AGBL1: variants seen among roughly 807,000 people sequenced by gnomAD.
AGBL1 encodes cytosolic carboxypeptidase 4.
Under a neutral mutation model 118.9 loss-of-function variants are expected in AGBL1, and 130 were observed. That is an observed-to-expected ratio of 1.09 (90% CI 0.95 to 1.26). The LOEUF (loss-of-function observed/expected upper bound fraction) is 1.26, where lower values mean the gene tolerates loss of function less well. AGBL1 is among the 50% of genes most tolerant of loss of function. AGBL1 has a pLI of 0.00. For missense variants in AGBL1, 1,584 were observed against 1,298.1 expected, an observed-to-expected ratio of 1.22 and a Z score of -3.38; for synonymous variants, 555 against 478.9, an observed-to-expected ratio of 1.16 and a Z score of -2.08.
chr15:86,637,622 A>G (rs777701768), intron 21 of AGBL1, among the ~76,000 whole-genome samples: 3 of 152,228 alleles, frequency 2.0e-5, no homozygotes, highest in Non-Finnish European at 4.4e-5. Context: ...AGTACTAGCA[A>G]AGGCTATTGG....
chr15:86,102,311 G>A (rs1393205135), intron 1 of AGBL1, among the ~76,000 whole-genome samples: 2 of 152,110 alleles, frequency 1.3e-5, no homozygotes, highest in Admixed American at 6.5e-5. Flanking sequence ...CAATTGCTGG[G>A]ATTACAGGCA....
At chr15:86,097,639 G>A (rs930118636) in intron 1 of AGBL1, among the ~76,000 whole-genome samples, 1 of 150,192 alleles carries the variant, frequency 6.7e-6, no homozygotes, top group Non-Finnish European at 1.5e-5. Context: ...TTCAATCCAT[G>A]TTGCTGCAAA....
At chr15:86,463,789 A>G (rs762589466) in intron 18 of AGBL1, among the ~76,000 whole-genome samples, 5 of 152,146 alleles carry the variant, frequency 3.3e-5, no homozygotes, top group Middle Eastern at 6.8e-3. Flanking sequence ...GTTCTGTTCC[A>G]TTGGTCTATA....
chr15:86,233,442 A>G (rs2078488873), intron 6 of AGBL1, among the ~76,000 whole-genome samples: 1 of 152,000 alleles, frequency 6.6e-6, no homozygotes, highest in African/African-American at 2.4e-5. Flanking sequence ...AAAGCAAACA[A>G]TGGGGAGTAA....
chr15:86,922,124 C>T (rs1007169675), intron 23 of AGBL1, among the ~76,000 whole-genome samples: 1 of 151,864 alleles, frequency 6.6e-6, no homozygotes, highest in Admixed American at 6.6e-5. Flanking sequence ...AGTTTATAAT[C>T]ATAAATTAGA....
Position 86,914,486 on chromosome 15 carries a change from C to T in AGBL1, c.*7192C>T, listed in dbSNP as rs1182022287. The T allele has an allele frequency of 6.6e-6, 1 of 152,174 alleles. No individual in the cohort carries two copies. Among genetic ancestry groups the T allele is most frequent in the Non-Finnish European group, 1.5e-5 (1 of 68,034 alleles). The allele number at this position is 152,174 out of a possible 1,614,324, so 9.4% of individuals were successfully genotyped here. ...CCCGGGGAAATCTGACTTCCTAACT[C>T]ATGCTCCCTCCACTTCCCCAGAGGA... On this transcript the variant is annotated 3_prime_UTR_variant, in exon 23 of 23. Transcript: ENST00000614907.
chr15:86,169,449 G>A (rs1003492154), intron 5 of AGBL1, among the ~76,000 whole-genome samples: 2 of 152,132 alleles, frequency 1.3e-5, no homozygotes, highest in Non-Finnish European at 2.9e-5. Flanking sequence ...AAGTACACAG[G>A]ATTTTTCCTC....
chr15:86,326,842 G>A (rs937854812), intron 17 of AGBL1, among the ~76,000 whole-genome samples: 2 of 152,108 alleles, frequency 1.3e-5, no homozygotes, highest in African/African-American at 2.4e-5. Context: ...CTAGAAGGGG[G>A]TCAGAATAGA....
chr15:86,113,985 CAATT>C (rs1378643800), intron 1 of AGBL1, among the ~76,000 whole-genome samples: 4 of 152,160 alleles, frequency 2.6e-5, no homozygotes, highest in African/African-American at 9.7e-5. Context: ...AGCTAAAAAA[CAATT>C]AAGAGCATTC....
chr15:86,274,720 T>C (rs7182055), intron 15 of AGBL1, among the ~76,000 whole-genome samples: 1,527 of 152,308 alleles, frequency 0.01, 33 homozygotes, highest in African/African-American at 0.032. Context: ...GTGGATAAGA[T>C]TGCTGTACCA....
At chr15:86,925,604 T>G (rs1018598668) in intron 23 of AGBL1, among the ~76,000 whole-genome samples, 3 of 152,294 alleles carry the variant, frequency 2.0e-5, no homozygotes, top group Non-Finnish European at 4.4e-5. Context: ...AGCCTTGTTC[T>G]TATGTAAGCA....
At chr15:86,438,143 T>TGATCCATCCATCTCGGCCTCCC (rs1555485741) in intron 18 of AGBL1, among the ~76,000 whole-genome samples, 2 of 152,074 alleles carry the variant, frequency 1.3e-5, no homozygotes, top group African/African-American at 4.8e-5. Context: ...CCTGACCTCA[T>TGATCCATCCATCTCGGCCTCCC]GATCCATCCA....
chr15:86,495,341 G>T (rs1596188832), intron 18 of AGBL1, among the ~76,000 whole-genome samples: 1 of 148,494 alleles, frequency 6.7e-6, no homozygotes, highest in African/African-American at 2.5e-5. Flanking sequence ...TTTTTTTCCA[G>T]CTTGATCTAT....
intron 8 of AGBL1, among the ~76,000 whole-genome samples, chr15:86,257,606 T>G (rs2047350): frequency 0.65 from 99,088 of 151,990 alleles, 32,980 homozygotes; most frequent in African/African-American, 0.76. Context: ...GATATTTAGG[T>G]TATAACACAT....
chr15:86,887,395 A>G (rs2141547600), intron 22 of AGBL1, among the ~76,000 whole-genome samples: 1 of 152,314 alleles, frequency 6.6e-6, no homozygotes, highest in South Asian at 2.1e-4. Context: ...AACTGCTCAC[A>G]TCCACCTGCC....
chr15:86,421,755 A>G (rs2081793566), intron 18 of AGBL1, among the ~76,000 whole-genome samples: 1 of 152,198 alleles, frequency 6.6e-6, no homozygotes, highest in African/African-American at 2.4e-5. Context: ...GGATGGAGGA[A>G]GATTTAGCAA....
chr15:86,561,272 A>T (rs942052726), intron 21 of AGBL1, among the ~76,000 whole-genome samples: 1 of 152,174 alleles, frequency 6.6e-6, no homozygotes, highest in Non-Finnish European at 1.5e-5. Flanking sequence ...GTTTTCTTCT[A>T]GGGTTTTTAT....
At chr15:86,276,006 G>A (rs1250669595) in intron 15 of AGBL1, among the ~76,000 whole-genome samples, 4 of 152,138 alleles carry the variant, frequency 2.6e-5, no homozygotes, top group Admixed American at 6.5e-5. Context: ...ACGTGTAAAG[G>A]TTAGAACAGT....
At chr15:86,483,535 C>T (rs1204631225) in intron 18 of AGBL1, among the ~76,000 whole-genome samples, 2 of 152,080 alleles carry the variant, frequency 1.3e-5, no homozygotes, top group Non-Finnish European at 2.9e-5. Context: ...CTCTGCAGTT[C>T]CTCTTGACCA....
Sources: gnomAD v4.1 joint callset for allele counts (sites outside exome capture counted in the v4.1 genomes callset) on GRCh38, gnomAD v4.1.1 for gene constraint, MANE v1.5 for transcripts, NCBI Gene and HGNC (gene_info 2026-07-23, HGNC 2026-07-21) for gene names.